Variants in C10orf143 observed in about 807,000 individuals in gnomAD.
The protein encoded by C10orf143 is uncharacterized protein C10orf143.
intron 3 of C10orf143, among the ~76,000 whole-genome samples, chr10:130,072,053 T>C (rs1050101173): frequency 6.6e-6 from 1 of 152,194 alleles, no homozygotes; most frequent in African/African-American, 2.4e-5. Flanking sequence ...AATTTTATCT[T>C]TCCTCATATA....
chr10:130,042,023 TCATA>T (rs1202289853), intron 3 of C10orf143, among the ~76,000 whole-genome samples: 4 of 152,040 alleles, frequency 2.6e-5, no homozygotes, highest in Non-Finnish European at 5.9e-5. Flanking sequence ...GCACACACGT[TCATA>T]CATACCCAAA....
rs1303913345 is a variant in C10orf143 at position 130,081,177 on chromosome 10, G to C, written c.70-1276C>G. Among the ~76,000 whole-genome samples, 3 of 152,028 alleles carry C rather than the reference G, an allele frequency of 2.0e-5. No individual in the cohort carries two copies. In the East Asian group the frequency reaches 5.8e-4, roughly 29 times the overall value. On this transcript the variant is annotated intron_variant, in intron 1 of 3. Transcript: ENST00000637128. Reference sequence around the variant, plus strand: ...TAATAGAGAAATAAAAACAAAAAGAGAGCAGGAGCAGATCACATAGAACAT... The same window carrying C: ...TAATAGAGAAATAAAAACAAAAAGACAGCAGGAGCAGATCACATAGAACAT...
At position 130,103,438 on chromosome 10, in the gene C10orf143, C is replaced by T. The variant is rs1050785567; in HGVS notation, c.69+7266G>A. Among the ~76,000 whole-genome samples the T allele has an allele frequency of 1.4e-4, 21 of 152,136 alleles. No homozygotes were observed. In the South Asian group the frequency reaches 4.1e-3, roughly 30 times the overall value. The stretch of plus-strand genomic sequence containing the variant: ...CCAGGAGGCAGAGGTTGCAGTGAAA[C>T]CAGATGGCACTGCTGTACTCCAGCC... On this transcript the variant is annotated intron_variant, in intron 1 of 3. Coordinates refer to ENST00000637128, the MANE Select transcript of C10orf143 (RefSeq NM_001355042.2).
rs532397181 is a variant in C10orf143 at position 130,108,289 on chromosome 10, G to A, written c.69+2415C>T. On this transcript the variant is annotated intron_variant, in intron 1 of 3. Transcript: ENST00000637128. ...GTCCACCACATGCTCCGTTTGCAAT[G>A]AGAAATGTCTATCCACCGAGGGGTT... 8.9e-6 allele frequency: 14 copies of A among 1,571,070 alleles called. No homozygotes were observed. The East Asian group carries it at 1.8e-4, about 20-fold the overall frequency.
chr10:130,090,146 C>T (rs565007380), intron 1 of C10orf143, among the ~76,000 whole-genome samples: 4 of 152,278 alleles, frequency 2.6e-5, no homozygotes, highest in African/African-American at 9.6e-5. Context: ...AGGAACAGCT[C>T]CAGTCTGCAG....
chr10:130,072,877 G>A (rs1861055397), intron 3 of C10orf143, among the ~76,000 whole-genome samples: 1 of 152,212 alleles, frequency 6.6e-6, no homozygotes, highest in African/African-American at 2.4e-5. Context: ...AGAAGCATGA[G>A]ATGAGGATAT....
chr10:130,091,771 C>T (rs1408711393), intron 1 of C10orf143, among the ~76,000 whole-genome samples: 2 of 152,086 alleles, frequency 1.3e-5, no homozygotes, highest in Admixed American at 6.5e-5. Flanking sequence ...ATGAAGCATA[C>T]ACAAGTATCA....
chr10:130,045,957 G>C (rs556128261), intron 3 of C10orf143, among the ~76,000 whole-genome samples: 1 of 152,276 alleles, frequency 6.6e-6, no homozygotes, highest in South Asian at 2.1e-4. Flanking sequence ...TGCCGGGCGT[G>C]AGGTGCTGGA....
chr10:130,036,062 A>G (rs537370510), intron 3 of C10orf143: 16 of 152,354 alleles, frequency 1.1e-4, no homozygotes, highest in African/African-American at 3.6e-4. Flanking sequence ...TTAGGACCCC[A>G]TCTAACCCTT....
intron 3 of C10orf143, among the ~76,000 whole-genome samples, chr10:130,054,061 A>G (rs1320724733): frequency 6.6e-6 from 1 of 152,164 alleles, no homozygotes; most frequent in Non-Finnish European, 1.5e-5. Flanking sequence ...CTTTTAGCAG[A>G]GTTTTAAGTG....
intron 3 of C10orf143, among the ~76,000 whole-genome samples, chr10:130,037,084 G>A (rs1860553051): frequency 1.3e-5 from 2 of 152,172 alleles, no homozygotes; most frequent in Admixed American, 6.5e-5. Flanking sequence ...ATTTTGGAAA[G>A]CTTGGCCTCA....
At chr10:130,062,658 C>T (rs1171965214), downstream of C10orf143, among the ~76,000 whole-genome samples, 1 of 152,188 alleles carries the variant, frequency 6.6e-6, no homozygotes. Flanking sequence ...CTCAGGCTGC[C>T]TTCCTTGCTC....
downstream of C10orf143, among the ~76,000 whole-genome samples, chr10:130,060,941 C>T (rs1860850909): frequency 6.6e-6 from 1 of 152,050 alleles, no homozygotes; most frequent in East Asian, 1.9e-4. Flanking sequence ...AGTTCAAGAC[C>T]AGCCTAGGCA....
At chr10:130,047,758 C>T (rs773758312) in intron 3 of C10orf143, among the ~76,000 whole-genome samples, 5 of 152,192 alleles carry the variant, frequency 3.3e-5, no homozygotes, top group Non-Finnish European at 7.3e-5. Context: ...ACATGGTGGC[C>T]TTGGCCTCTA....
At chr10:130,045,253 C>A (rs373166351) in intron 3 of C10orf143, among the ~76,000 whole-genome samples, 62 of 152,376 alleles carry the variant, frequency 4.1e-4, no homozygotes, top group African/African-American at 1.5e-3. Context: ...GCAGGCACCT[C>A]GCCAGGCATT....
At chr10:130,075,983 G>GTT (rs1223351024) in intron 3 of C10orf143, among the ~76,000 whole-genome samples, 2 of 126,760 alleles carry the variant, frequency 1.6e-5, no homozygotes, top group Non-Finnish European at 3.5e-5. Context: ...TTTTTTGTTT[G>GTT]TTTGTTTGTT....
chr10:130,106,279 T>C (rs1391587204), intron 1 of C10orf143: 1 of 1,571,944 alleles, frequency 6.4e-7, no homozygotes, highest in African/African-American at 1.3e-5. Context: ...AGAAAAAGCT[T>C]GCTATAATGC....
chr10:130,092,089 G>C (rs1413907773), intron 1 of C10orf143, among the ~76,000 whole-genome samples: 1 of 152,132 alleles, frequency 6.6e-6, no homozygotes, highest in Non-Finnish European at 1.5e-5. Context: ...TCCTTGAGAA[G>C]AGCAACCCCA....
chr10:130,059,501 T>C (rs1425928191), downstream of C10orf143, among the ~76,000 whole-genome samples: 1 of 152,104 alleles, frequency 6.6e-6, no homozygotes, highest in Non-Finnish European at 1.5e-5. Flanking sequence ...CCAGTAAGCA[T>C]CTCCAAAAAG....
Sources: gnomAD v4.1 joint callset for allele counts (sites outside exome capture counted in the v4.1 genomes callset) on GRCh38, gnomAD v4.1.1 for gene constraint, MANE v1.5 for transcripts, NCBI Gene and HGNC (gene_info 2026-07-23, HGNC 2026-07-21) for gene names.